The following B3GALT1 variants were observed in gnomAD, a reference collection of about 807,000 sequenced individuals.
B3GALT1 encodes UDP-Gal:betaGlcNAc beta 1,3-galactosyltransferase, polypeptide 1.
A neutral mutation model predicts 23.2 loss-of-function variants in B3GALT1; 10 were observed. The ratio of observed to expected loss-of-function variants is 0.43; its 90% CI spans 0.27 to 0.73. The LOEUF (loss-of-function observed/expected upper bound fraction) is 0.73, where lower values mean the gene tolerates loss of function less well. Among genes scored for constraint, B3GALT1 ranks in the 30% least tolerant of loss-of-function variants. B3GALT1 has a pLI of 0.21. For missense variants in B3GALT1, 299 were observed against 405.4 expected, an observed-to-expected ratio of 0.74 and a Z score of 2.25; for synonymous variants, 156 against 141.5, an observed-to-expected ratio of 1.10 and a Z score of -0.73.
intron 3 of B3GALT1, among the ~76,000 whole-genome samples, chr2:167,653,263 C>T (rs1300912633): frequency 6.6e-6 from 1 of 152,150 alleles, no homozygotes; most frequent in Non-Finnish European, 1.5e-5. Context: ...GGATTCAAAA[C>T]AGCAGGCAGC....
chr2:167,744,952 AT>A (rs993011121), intron 3 of B3GALT1, among the ~76,000 whole-genome samples: 2 of 151,978 alleles, frequency 1.3e-5, no homozygotes, highest in African/African-American at 2.4e-5. Flanking sequence ...ATAATCTCTG[AT>A]TTTTTTATTG....
chr2:167,662,165 T>G (rs186055800), intron 3 of B3GALT1, among the ~76,000 whole-genome samples: 1 of 152,124 alleles, frequency 6.6e-6, no homozygotes, highest in East Asian at 1.9e-4. Flanking sequence ...AATAAAAATA[T>G]TGTTATAATA....
At chr2:167,386,606 T>C (rs1002771895) in intron 1 of B3GALT1, among the ~76,000 whole-genome samples, 1 of 152,198 alleles carries the variant, frequency 6.6e-6, no homozygotes, top group Non-Finnish European at 1.5e-5. Context: ...ATTATAAATG[T>C]AAGTGATAGT....
intron 1 of B3GALT1, among the ~76,000 whole-genome samples, chr2:167,323,454 A>G (rs1696843144): frequency 6.7e-6 from 1 of 148,534 alleles, no homozygotes; most frequent in Non-Finnish European, 1.5e-5. Flanking sequence ...ATGAATGATT[A>G]TCTTTTTGAA....
chr2:167,860,631 A>T (rs1438352344), intron 4 of B3GALT1, among the ~76,000 whole-genome samples: 1 of 152,196 alleles, frequency 6.6e-6, no homozygotes, highest in Non-Finnish European at 1.5e-5. Context: ...TTGAGATAGT[A>T]TAAGATGTAG....
At chr2:167,858,467 T>C (rs902614319) in intron 4 of B3GALT1, among the ~76,000 whole-genome samples, 9 of 152,196 alleles carry the variant, frequency 5.9e-5, no homozygotes, top group Admixed American at 2.6e-4. Context: ...CATGTTTACA[T>C]TAATAATGAT....
At chr2:167,700,742 C>T (rs1300297077) in intron 3 of B3GALT1, among the ~76,000 whole-genome samples, 1 of 152,102 alleles carries the variant, frequency 6.6e-6, no homozygotes, top group Non-Finnish European at 1.5e-5. Context: ...ATTGAAGAGC[C>T]AACCACGCGT....
intron 1 of B3GALT1, among the ~76,000 whole-genome samples, chr2:167,347,412 C>A (rs768753438): frequency 5.9e-5 from 9 of 152,108 alleles, no homozygotes; most frequent in Non-Finnish European, 1.2e-4. Context: ...TAATGGAATT[C>A]AGTTCTATAA....
Position 167,760,693 on chromosome 2 carries a change from T to C in B3GALT1, c.-351-57979T>C, listed in dbSNP as rs976698556. ...TATCAGCTCAATCTTACCTTACACA[T>C]TTCTTAAGACACGGGCTGATCTAAA... On this transcript the variant is annotated intron_variant, in intron 3 of 4. Transcript: ENST00000392690. Among the ~76,000 whole-genome samples the C allele has an allele frequency of 2.6e-5, 4 of 152,232 alleles. No individual in the cohort carries two copies. The East Asian group carries it at 7.7e-4, about 29-fold the overall frequency.
At chr2:167,607,878 A>G (rs1022045923) in intron 2 of B3GALT1, among the ~76,000 whole-genome samples, 6 of 152,166 alleles carry the variant, frequency 3.9e-5, no homozygotes, top group African/African-American at 1.4e-4. Context: ...TTTATTAAAC[A>G]TACTTTAACA....
chr2:167,651,147 T>C (rs536994417), intron 3 of B3GALT1, among the ~76,000 whole-genome samples: 18 of 152,236 alleles, frequency 1.2e-4, no homozygotes, highest in African/African-American at 3.6e-4. Context: ...AGAATACTAT[T>C]GCTCCAGTCC....
chr2:167,317,434 G>A (rs1360134840), intron 1 of B3GALT1, among the ~76,000 whole-genome samples: 1 of 152,036 alleles, frequency 6.6e-6, no homozygotes, highest in Non-Finnish European at 1.5e-5. Context: ...TGTTCCTGGA[G>A]GTAATTTCCG....
intron 4 of B3GALT1, among the ~76,000 whole-genome samples, chr2:167,829,880 T>C (rs1029195366): frequency 6.6e-6 from 1 of 152,046 alleles, no homozygotes; most frequent in African/African-American, 2.4e-5. Flanking sequence ...AAAGCCCATG[T>C]AGGTAAATGA....
chr2:167,717,185 A>C (rs1266501325), intron 3 of B3GALT1, among the ~76,000 whole-genome samples: 1 of 66,382 alleles, frequency 1.5e-5, no homozygotes, highest in Non-Finnish European at 5.5e-5. Flanking sequence ...ATGATGCCCT[A>C]TCTATTTTTT....
At chr2:167,625,195 T>TA (rs1685319425) in intron 2 of B3GALT1, among the ~76,000 whole-genome samples, 1 of 152,032 alleles carries the variant, frequency 6.6e-6, no homozygotes, top group African/African-American at 2.4e-5. Flanking sequence ...TCAAACAATT[T>TA]AAAATCCAAG....
At chr2:167,713,809 G>A in intron 3 of B3GALT1, 1 of 1,593,058 alleles carries the variant, frequency 6.3e-7, no homozygotes, top group East Asian at 2.2e-5. Flanking sequence ...TCTGTGGATA[G>A]ATGTTTCTCA....
At chr2:167,855,366 T>C (rs139048695) in intron 4 of B3GALT1, among the ~76,000 whole-genome samples, 1 of 152,194 alleles carries the variant, frequency 6.6e-6, no homozygotes, top group Non-Finnish European at 1.5e-5. Context: ...TATGTAAAGC[T>C]GGGGCAAGTT....
At chr2:167,439,826 A>ATT (rs373346564) in intron 1 of B3GALT1, among the ~76,000 whole-genome samples, 36 of 146,260 alleles carry the variant, frequency 2.5e-4, no homozygotes, top group African/African-American at 5.2e-4. Flanking sequence ...ATTTTGTAGT[A>ATT]TTTTTTTTTT....
At chr2:167,518,856 A>G (rs1285170172) in intron 2 of B3GALT1, among the ~76,000 whole-genome samples, 2 of 152,034 alleles carry the variant, frequency 1.3e-5, no homozygotes, top group African/African-American at 4.8e-5. Flanking sequence ...TCAACGTTCT[A>G]CTGATGGAAG....
Sources: allele counts gnomAD v4.1 joint callset (sites outside exome capture counted in the v4.1 genomes callset), GRCh38; gene constraint gnomAD v4.1.1; transcripts MANE v1.5; gene names NCBI Gene and HGNC (gene_info 2026-07-23, HGNC 2026-07-21).